Variants in KANSL3 observed in about 807,000 individuals in gnomAD.
The protein encoded by KANSL3 is NSL complex protein NSL3.
A neutral mutation model predicts 89.2 loss-of-function variants in KANSL3; 16 were observed. The ratio of observed to expected loss-of-function variants is 0.18; its 90% CI spans 0.12 to 0.27. The LOEUF (loss-of-function observed/expected upper bound fraction) is 0.27. Ranked by LOEUF, KANSL3 falls within the 10% of genes least tolerant of loss-of-function variation. KANSL3 has a pLI of 1.00. For missense variants in KANSL3, 879 were observed against 1,110.6 expected (o/e 0.79, Z 2.96); for synonymous variants, 385 against 419.7 (o/e 0.92, Z 1.01).
Position 96,601,718 on chromosome 2 carries a change from A to G in KANSL3, c.2541T>C (p.Thr847=). 1 of 1,608,464 alleles carries G rather than the reference A, an allele frequency of 6.2e-7. No individual in the cohort carries two copies. The highest frequency in any genetic ancestry group is 8.5e-7 in the Non-Finnish European group (1 of 1,177,702). The change falls in exon 20 of 21, where the codon ACT becomes ACC. Residue 847 remains threonine (T), a synonymous_variant. Coordinates refer to ENST00000431828, the MANE Select transcript of KANSL3 (RefSeq NM_001115016.3). ...CTCCTGAGCCCATAGGGCTCAGTGTAGTGATCCTGCTCGGCTGGCCACGAA... is the reference window on the plus strand; with the variant it reads ...CTCCTGAGCCCATAGGGCTCAGTGTGGTGATCCTGCTCGGCTGGCCACGAA... The part of the protein sequence containing the change: ...LTLRGQPSRI[T]TLSPMGSGAA...
chr2:96,614,316 A>G (rs1385930786), intron 5 of KANSL3, among the ~76,000 whole-genome samples: 2 of 151,634 alleles, frequency 1.3e-5, no homozygotes, highest in African/African-American at 2.4e-5. Flanking sequence ...ATGGTCTTGA[A>G]CTCCTGACCT....
At chr2:96,616,145 A>T (rs2070062421) in intron 5 of KANSL3, among the ~76,000 whole-genome samples, 1 of 152,208 alleles carries the variant, frequency 6.6e-6, no homozygotes, top group African/African-American at 2.4e-5. Context: ...AGGAAGGAGG[A>T]GGATGTAAAA....
the KANSL3 span, among the ~76,000 whole-genome samples, chr2:96,581,809 C>G: frequency 5.7e-3 from 864 of 152,236 alleles, 8 homozygotes; most frequent in African/African-American, 0.02. Flanking sequence ...TAAAAAATTT[C>G]AAACACAGAG....
the KANSL3 span, among the ~76,000 whole-genome samples, chr2:96,581,430 A>C: frequency 5.1e-3 from 784 of 152,268 alleles, 6 homozygotes; most frequent in Middle Eastern, 0.024. Flanking sequence ...TCTCAAAAAA[A>C]AAAAAAAAGG....
rs2067237403 is a variant in KANSL3, at chr2:96,601,895, T to TGG, written c.2483-121_2483-120dup. On this transcript the variant is annotated intron_variant, in intron 19 of 20. Coordinates refer to ENST00000431828, the MANE Select transcript of KANSL3 (RefSeq NM_001115016.3). ...ACAGTCCCTTGGCCTCCTCCCCAGC[T>TGG]GGGTCATCTATGCCCTATCAGTCAA... 2.8e-6 allele frequency: 4 copies of TGG among 1,419,454 alleles called. No homozygotes were observed. In the South Asian group the frequency reaches 6.1e-5, roughly 22 times the overall value. 87.9% of individuals were successfully genotyped at this position (1,419,454 alleles called of 1,614,324 possible). A position where few individuals can be genotyped will look rare whatever the true frequency, so the allele number is the denominator to read the frequency against.
At chr2:96,589,154 G>A (rs1487326379), downstream of KANSL3, among the ~76,000 whole-genome samples, 1 of 152,022 alleles carries the variant, frequency 6.6e-6, no homozygotes, top group Non-Finnish European at 1.5e-5. Flanking sequence ...TTACAGGCAG[G>A]AAAATGAAAA....
chr2:96,606,888 A>G (rs1286439838), intron 14 of KANSL3: 9 of 731,928 alleles, frequency 1.2e-5, no homozygotes, highest in Non-Finnish European at 1.8e-5. Context: ...ACTGAGGCAG[A>G]TGAGAGGCAG....
chr2:96,632,816 T>C (rs1386208558), intron 2 of KANSL3, among the ~76,000 whole-genome samples: 1 of 151,360 alleles, frequency 6.6e-6, no homozygotes, highest in Non-Finnish European at 1.5e-5. Context: ...AATACAAAAA[T>C]TTAGCCAGCC....
At chr2:96,623,197 C>G (rs1159658232) in intron 3 of KANSL3, among the ~76,000 whole-genome samples, 1 of 152,218 alleles carries the variant, frequency 6.6e-6, no homozygotes, top group African/African-American at 2.4e-5. Flanking sequence ...ACACTGCATT[C>G]TAAGTTCTGT....
intron 15 of KANSL3, 28 bp from the exon 16 acceptor site, chr2:96,604,891 T>C (rs1368643015): frequency 6.4e-7 from 1 of 1,559,226 alleles, no homozygotes; most frequent in Non-Finnish European, 8.7e-7. Context: ...CCAAGGCCCC[T>C]GGTCAGTCCT....
At chr2:96,633,955 C>T (rs1220944981) in intron 2 of KANSL3, among the ~76,000 whole-genome samples, 1 of 152,232 alleles carries the variant, frequency 6.6e-6, no homozygotes, top group Non-Finnish European at 1.5e-5. Context: ...AGTTACCACA[C>T]TGGACATCCC....
At position 96,601,787 on chromosome 2, in the gene KANSL3, G is replaced by T; in HGVS notation, c.2483-11C>A. On this transcript the variant is annotated splice_polypyrimidine_tract_variant and intron_variant, in intron 19 of 20. Transcript: ENST00000431828. ...TGGGGACCTTCAAGCCTGAGATAAA[G>T]AGAGAGAAGCAGAATTTTTGAGTCA... 1 of 1,545,788 alleles carries T rather than the reference G, an allele frequency of 6.5e-7. No individual in the cohort carries two copies. Among genetic ancestry groups the T allele is most frequent in the South Asian group, 1.2e-5 (1 of 80,976 alleles).
In KANSL3 at chr2:96,619,518, A is replaced by G. The variant is rs1345412815; in HGVS notation, c.504T>C (p.Arg168=). The G allele has an allele frequency of 6.2e-7, 1 of 1,613,808 alleles. No homozygotes were observed. Among genetic ancestry groups the G allele is most frequent in the African/African-American group, 1.3e-5 (1 of 74,938 alleles). ...EGACNEPVLR[R]VAVDKCARRV... is the part of the protein sequence containing the mutation. Reference sequence around the variant, plus strand: ...TCCTTGCACACTTGTCCACAGCAACACGGCGCAGCACTGGCTCATTACAAG... The same window carrying G: ...TCCTTGCACACTTGTCCACAGCAACGCGGCGCAGCACTGGCTCATTACAAG... Residue 168 remains arginine, a synonymous_variant, in exon 5 of 21, where the codon CGT becomes CGC. Transcript: ENST00000431828.
At chr2:96,612,741 T>C (rs2069231935) in intron 7 of KANSL3, 77 bp downstream of exon 7, 3 of 1,274,820 alleles carry the variant, frequency 2.4e-6, no homozygotes, top group Non-Finnish European at 2.2e-6. Context: ...TTTGACCTCC[T>C]CCCACATATT....
intron 3 of KANSL3, chr2:96,628,431 A>C (rs1304747301): frequency 6.5e-5 from 16 of 245,230 alleles, no homozygotes; most frequent in Non-Finnish European, 1.1e-4. Flanking sequence ...TGGGCAGACC[A>C]CTTGAGCCAG....
chr2:96,582,589 A>G, the KANSL3 span, among the ~76,000 whole-genome samples: 2 of 152,166 alleles, frequency 1.3e-5, no homozygotes, highest in Non-Finnish European at 2.9e-5. Flanking sequence ...TTTACATCCT[A>G]TAGCGTAATA....
chr2:96,602,704 G>A lies in KANSL3; in HGVS notation c.2259+49C>T, dbSNP rs546493928. 11 of 1,456,838 alleles carry A rather than the reference G, an allele frequency of 7.6e-6. No homozygotes were observed. The South Asian group carries it at 1.5e-4, about 20-fold the overall frequency. The allele number at this position is 1,456,838 out of a possible 1,614,324, so 90.2% of individuals were successfully genotyped here. A position where few individuals can be genotyped will look rare whatever the true frequency, so the allele number is the denominator to read the frequency against. On this transcript the variant is annotated intron_variant, in intron 18 of 20. Coordinates refer to ENST00000431828, the MANE Select transcript of KANSL3 (RefSeq NM_001115016.3). ...CCCTGCCAAAACCAACTAAGCTGAG[G>A]AGGCCTCCTCCCTACACCTGCCCAG...
chr2:96,592,781 A>G (rs2066305255), downstream of KANSL3, among the ~76,000 whole-genome samples: 1 of 152,222 alleles, frequency 6.6e-6, no homozygotes, highest in African/African-American at 2.4e-5. Flanking sequence ...AGGCGGGCGG[A>G]TCACAAGGTC....
At chr2:96,587,419 A>C in the KANSL3 span, among the ~76,000 whole-genome samples, 2 of 152,190 alleles carry the variant, frequency 1.3e-5, no homozygotes, top group Non-Finnish European at 1.5e-5. Context: ...GTGGGGAGCC[A>C]AAACTCCCAC....
Sources: allele counts gnomAD v4.1 joint callset (sites outside exome capture counted in the v4.1 genomes callset), GRCh38; gene constraint gnomAD v4.1.1; transcripts MANE v1.5; gene names NCBI Gene and HGNC (gene_info 2026-07-23, HGNC 2026-07-21).